The following SLC24A4 variants were observed in gnomAD, a reference collection of about 807,000 sequenced individuals.
The protein encoded by SLC24A4 is sodium/potassium/calcium exchanger 4.
SLC24A4 carries 53 observed loss-of-function variants against 79.0 expected under a neutral mutation model. That is an observed-to-expected ratio of 0.67 (90% confidence interval 0.54 to 0.84). The LOEUF (loss-of-function observed/expected upper bound fraction) is 0.84. Among genes scored for constraint, SLC24A4 ranks in the 40% least tolerant of loss-of-function variants. The probability of loss-of-function intolerance (pLI) is 0.00; values close to 1 mark genes in which losing one functional copy is unlikely to be tolerated. For missense variants in SLC24A4, 731 were observed against 822.0 expected, an observed-to-expected ratio of 0.89 and a Z score of 1.35; for synonymous variants, 323 against 323.8, an observed-to-expected ratio of 1.00 and a Z score of 0.03.
chr14:92,380,822 G>C (rs1026565239), intron 2 of SLC24A4, among the ~76,000 whole-genome samples: 1 of 152,238 alleles, frequency 6.6e-6, no homozygotes, highest in Admixed American at 6.5e-5. Context: ...AGGTGCAAGC[G>C]GCTCAGGCTG....
chr14:92,451,564 A>G (rs939634765), intron 10 of SLC24A4: 3 of 152,270 alleles, frequency 2.0e-5, no homozygotes, highest in African/African-American at 7.2e-5. Flanking sequence ...AGATTCTTCA[A>G]GAGCACACAC....
intron 2 of SLC24A4, among the ~76,000 whole-genome samples, chr14:92,421,699 G>T (rs1263864972): frequency 6.6e-6 from 1 of 151,970 alleles, no homozygotes; most frequent in African/African-American, 2.4e-5. Context: ...GTAGAGACAA[G>T]GTTTCACCAT....
At chr14:92,391,943 A>C (rs1889489834) in intron 2 of SLC24A4, among the ~76,000 whole-genome samples, 1 of 151,698 alleles carries the variant, frequency 6.6e-6, no homozygotes, top group South Asian at 2.1e-4. Context: ...TGCGTGAGAG[A>C]CTCCAAGTGA....
chr14:92,355,127 G>T (rs1887103156), intron 2 of SLC24A4, among the ~76,000 whole-genome samples: 1 of 152,162 alleles, frequency 6.6e-6, no homozygotes, highest in South Asian at 2.1e-4. Context: ...ATGCAATGGG[G>T]CCAGGGGCCC....
At chr14:92,461,543 T>G (rs1893810063) in intron 12 of SLC24A4, among the ~76,000 whole-genome samples, 1 of 152,172 alleles carries the variant, frequency 6.6e-6, no homozygotes, top group African/African-American at 2.4e-5. Flanking sequence ...TGGCCTTGTT[T>G]GTTTGTTTGT....
intron 2 of SLC24A4, among the ~76,000 whole-genome samples, chr14:92,412,180 A>T (rs969480570): frequency 6.6e-6 from 1 of 152,170 alleles, no homozygotes; most frequent in African/African-American, 2.4e-5. Context: ...AAGGTCTAGC[A>T]AAATTCCTGG....
intron 3 of SLC24A4, among the ~76,000 whole-genome samples, chr14:92,438,716 A>G (rs2139802562): frequency 6.6e-6 from 1 of 152,288 alleles, no homozygotes; most frequent in South Asian, 2.1e-4. Flanking sequence ...ACCCTCCAGG[A>G]GCCTCCATGT....
In SLC24A4 at chr14:92,492,338, C is replaced by T. The variant is rs184593073; in HGVS notation, c.1716+98C>T. Reference sequence around the variant, plus strand: ...GTGACTCTGTACACCCCTGTCACTTCCCTTGGTAGTGAAGGATAAAGGCAA... The same window carrying T: ...GTGACTCTGTACACCCCTGTCACTTTCCTTGGTAGTGAAGGATAAAGGCAA... On this transcript the variant is annotated intron_variant, in intron 16 of 16. Coordinates refer to ENST00000532405, the MANE Select transcript of SLC24A4 (RefSeq NM_153646.4). 40 of 1,163,436 alleles carry T rather than the reference C, an allele frequency of 3.4e-5. No homozygotes were observed. The East Asian group carries it at 8.6e-4, about 25-fold the overall frequency. 72.1% of individuals were successfully genotyped at this position (1,163,436 alleles called of 1,614,324 possible).
chr14:92,404,811 T>G (rs868742553), intron 2 of SLC24A4, among the ~76,000 whole-genome samples: 7 of 152,182 alleles, frequency 4.6e-5, no homozygotes, highest in Admixed American at 1.3e-4. Flanking sequence ...CTCCCACCCC[T>G]TACTTCATTA....
intron 12 of SLC24A4, among the ~76,000 whole-genome samples, chr14:92,480,286 CTTTT>C (rs66533065): frequency 1.6e-5 from 1 of 63,090 alleles, no homozygotes; most frequent in Non-Finnish European, 2.9e-5. Context: ...AGATCTTTCC[CTTTT>C]TTTTTTTTTT....
At chr14:92,469,464 G>C (rs572947311) in intron 12 of SLC24A4, among the ~76,000 whole-genome samples, 34 of 151,420 alleles carry the variant, frequency 2.2e-4, no homozygotes, top group Non-Finnish European at 7.4e-5. Flanking sequence ...AGCCGAGATC[G>C]CGCCACTGCA....
At chr14:92,434,048 C>T (rs1204702194) in intron 3 of SLC24A4, 60 bp downstream of exon 3, 18 of 1,305,424 alleles carry the variant, frequency 1.4e-5, no homozygotes, top group African/African-American at 1.0e-4. Context: ...CTCTGCACAG[C>T]GGGGCAGAGC....
In SLC24A4 at chr14:92,441,032, C is replaced by T. The variant is rs953994220; in HGVS notation, c.394-1057C>T. Among the ~76,000 whole-genome samples the T allele has an allele frequency of 2.0e-5, 3 of 152,002 alleles. No homozygotes were observed. Among genetic ancestry groups the T allele is most frequent in the South Asian group, 2.1e-4 (1 of 4,826 alleles). On this transcript the variant is annotated intron_variant, in intron 4 of 16. Coordinates refer to ENST00000532405, the MANE Select transcript of SLC24A4 (RefSeq NM_153646.4). The surrounding 1 kb of genome is among the most constrained non-coding windows in gnomAD (Gnocchi z 4.6). ...TGCTTTTTGGCAGGGTTAAGGTGGC[C>T]GGCTTCTGCCCTGGAGATCGATGCT...
At chr14:92,367,911 G>A (rs891787573) in intron 2 of SLC24A4, among the ~76,000 whole-genome samples, 4 of 152,192 alleles carry the variant, frequency 2.6e-5, no homozygotes, top group Non-Finnish European at 5.9e-5. Flanking sequence ...GAGGCAACGT[G>A]GAGAAACAGA....
chr14:92,341,064 C>T (rs929637092), intron 2 of SLC24A4, among the ~76,000 whole-genome samples: 3 of 152,116 alleles, frequency 2.0e-5, no homozygotes, highest in African/African-American at 2.4e-5. Flanking sequence ...GCAGGGAGGC[C>T]GGCTAGTGCT....
chr14:92,400,407 C>T (rs956616985), intron 2 of SLC24A4, among the ~76,000 whole-genome samples: 1 of 146,220 alleles, frequency 6.8e-6, no homozygotes. Flanking sequence ...CCACTGCACT[C>T]CAGCCTGGCG....
intron 2 of SLC24A4, among the ~76,000 whole-genome samples, chr14:92,335,180 C>T (rs1393795748): frequency 2.6e-5 from 4 of 152,132 alleles, no homozygotes; most frequent in African/African-American, 7.2e-5. Context: ...TACAGAGTTC[C>T]TCTGTTACCC....
At chr14:92,400,591 C>T (rs1009067589) in intron 2 of SLC24A4, among the ~76,000 whole-genome samples, 5 of 152,098 alleles carry the variant, frequency 3.3e-5, no homozygotes, top group Admixed American at 6.5e-5. Flanking sequence ...GTTCTTTTTA[C>T]CCTTGACTTT....
At chr14:92,369,694 C>T (rs1014779831) in intron 2 of SLC24A4, among the ~76,000 whole-genome samples, 1 of 152,208 alleles carries the variant, frequency 6.6e-6, no homozygotes, top group Non-Finnish European at 1.5e-5. Context: ...GCGCCACTGA[C>T]AGTTTAGGCT....
Sources: gnomAD v4.1 joint callset for allele counts (sites outside exome capture counted in the v4.1 genomes callset) on GRCh38, gnomAD v4.1.1 for gene constraint, Gnocchi (gnomAD v3.1) non-coding constraint, MANE v1.5 for transcripts, NCBI Gene and HGNC (gene_info 2026-07-23, HGNC 2026-07-21) for gene names.